KCNT2: variants seen among roughly 807,000 people sequenced by gnomAD.
KCNT2 encodes potassium channel subfamily T member 2.
A neutral mutation model predicts 153.8 loss-of-function variants in KCNT2; 67 were observed. The ratio of observed to expected loss-of-function variants is 0.44; its 90% CI spans 0.36 to 0.53. KCNT2 has a LOEUF of 0.53. Ranked by LOEUF, KCNT2 falls within the 20% of genes least tolerant of loss-of-function variation. The pLI is 0.00. For missense variants in KCNT2, 975 were observed against 1,354.8 expected, an observed-to-expected ratio of 0.72 and a Z score of 4.40; for synonymous variants, 500 against 458.8, an observed-to-expected ratio of 1.09 and a Z score of -1.15.
At chr1:196,604,703 C>A (rs1314402522) in intron 1 of KCNT2, among the ~76,000 whole-genome samples, 1 of 151,336 alleles carries the variant, frequency 6.6e-6, no homozygotes, top group Non-Finnish European at 1.5e-5. Context: ...CATATCTATT[C>A]ATTACATATA....
At chr1:196,379,565 T>TTTTCTCTCTC (rs374585639) in intron 13 of KCNT2, among the ~76,000 whole-genome samples, 1 of 136,148 alleles carries the variant, frequency 7.3e-6, no homozygotes, top group Admixed American at 7.4e-5. Flanking sequence ...CAGTGAGACT[T>TTTTCTCTCTC]TCTCTCTCTC....
At chr1:196,354,391 A>G (rs556726098) in intron 14 of KCNT2, among the ~76,000 whole-genome samples, 1 of 151,894 alleles carries the variant, frequency 6.6e-6, no homozygotes, top group Admixed American at 6.6e-5. Flanking sequence ...AGATTTTCAT[A>G]TTAGTTACTT....
intron 15 of KCNT2, among the ~76,000 whole-genome samples, chr1:196,340,903 T>TA (rs896192442): frequency 4.4e-4 from 67 of 151,456 alleles, no homozygotes; most frequent in African/African-American, 3.9e-4. Flanking sequence ...TTACTTTGGT[T>TA]AAAAAAAATA....
At position 196,329,950 on chromosome 1, in the gene KCNT2, CATATAT is replaced by C. The variant is rs71154737; in HGVS notation, c.2103+1200_2103+1205del. 9.4e-3 allele frequency among the ~76,000 whole-genome samples: 692 copies of C among 73,516 alleles called. 11 individuals are homozygous for C. Among genetic ancestry groups the C allele is most frequent in the African/African-American group, 0.03 (450 of 14,976 alleles). The allele number at this position is 73,516 out of a possible 152,430, so 48.2% of individuals were successfully genotyped here. A position where few individuals can be genotyped will look rare whatever the true frequency, so the allele number is the denominator to read the frequency against. ...AAATGGATAATTCTGTTCCTCAAGA[CATATAT>C]ATATATATATATATATATATATATA... On this transcript the variant is annotated intron_variant, in intron 18 of 27. Coordinates refer to ENST00000294725, the MANE Select transcript of KCNT2 (RefSeq NM_198503.5).
At chr1:196,283,761 G>A (rs999961963) in intron 23 of KCNT2, among the ~76,000 whole-genome samples, 2 of 152,024 alleles carry the variant, frequency 1.3e-5, no homozygotes, top group Non-Finnish European at 2.9e-5. Context: ...ATTAATGCCA[G>A]CAATTTTTTA....
intron 8 of KCNT2, among the ~76,000 whole-genome samples, chr1:196,441,396 C>T (rs1675211085): frequency 6.7e-6 from 1 of 148,234 alleles, no homozygotes; most frequent in Admixed American, 6.9e-5. Context: ...TTTTGAATAG[C>T]TATCTTAATT....
intron 14 of KCNT2, among the ~76,000 whole-genome samples, chr1:196,366,136 T>C (rs1668017988): frequency 6.6e-6 from 1 of 151,956 alleles, no homozygotes; most frequent in Non-Finnish European, 1.5e-5. Flanking sequence ...ATGCATGTCT[T>C]CTTTATTTAC....
intron 1 of KCNT2, among the ~76,000 whole-genome samples, chr1:196,569,478 TA>T (rs768080780): frequency 6.6e-6 from 1 of 152,206 alleles, no homozygotes; most frequent in Non-Finnish European, 1.5e-5. Flanking sequence ...GGGATTGAAA[TA>T]AAGCTGTGAA....
chr1:196,419,207 G>A (rs953460723), intron 12 of KCNT2, among the ~76,000 whole-genome samples: 1 of 147,116 alleles, frequency 6.8e-6, no homozygotes, highest in Non-Finnish European at 1.5e-5. Context: ...TTAAGTTTTA[G>A]GGTACATGTG....
intron 5 of KCNT2, among the ~76,000 whole-genome samples, chr1:196,476,643 C>A (rs1678557962): frequency 6.6e-6 from 1 of 152,158 alleles, no homozygotes; most frequent in African/African-American, 2.4e-5. Flanking sequence ...CTTCTGCACT[C>A]CCAAAAGACA....
intron 25 of KCNT2, among the ~76,000 whole-genome samples, chr1:196,274,608 T>G (rs989364404): frequency 6.6e-6 from 1 of 151,778 alleles, no homozygotes; most frequent in Non-Finnish European, 1.5e-5. Context: ...CCCATTGTAA[T>G]AGTAAAGTGT....
At chr1:196,339,520 C>CACACACAGAG (rs1005738965) in intron 16 of KCNT2, among the ~76,000 whole-genome samples, 1 of 137,908 alleles carries the variant, frequency 7.3e-6, no homozygotes, top group Non-Finnish European at 1.6e-5. Flanking sequence ...CACACACACA[C>CACACACAGAG]AGAGAGAGAG....
At chr1:196,268,209 C>A (rs953104454) in intron 25 of KCNT2, among the ~76,000 whole-genome samples, 1 of 152,122 alleles carries the variant, frequency 6.6e-6, no homozygotes, top group Non-Finnish European at 1.5e-5. Context: ...AATTCCTAAT[C>A]CAAGGTTGCC....
chr1:196,432,645 A>G (rs945412220), intron 8 of KCNT2, among the ~76,000 whole-genome samples: 1 of 152,132 alleles, frequency 6.6e-6, no homozygotes, highest in South Asian at 2.1e-4. Context: ...CCTTTGGAAT[A>G]AGAATATCTA....
At chr1:196,352,592 C>G (rs1666818992) in intron 14 of KCNT2, among the ~76,000 whole-genome samples, 1 of 152,016 alleles carries the variant, frequency 6.6e-6, no homozygotes, top group South Asian at 2.1e-4. Flanking sequence ...TGATTCTTCT[C>G]TCTTTTTTTC....
chr1:196,468,222 T>C (rs1489362186), intron 6 of KCNT2, among the ~76,000 whole-genome samples: 1 of 152,102 alleles, frequency 6.6e-6, no homozygotes, highest in Non-Finnish European at 1.5e-5. Flanking sequence ...CTATGTTCAA[T>C]TAGAATTATA....
chr1:196,545,134 T>C (rs1382894196), intron 1 of KCNT2, among the ~76,000 whole-genome samples: 1 of 152,070 alleles, frequency 6.6e-6, no homozygotes. Context: ...TCTTCATACA[T>C]GCTAAAAGTT....
At chr1:196,384,306 G>A (rs1191495095) in intron 13 of KCNT2, among the ~76,000 whole-genome samples, 14 of 152,048 alleles carry the variant, frequency 9.2e-5, no homozygotes, top group African/African-American at 3.1e-4. Context: ...ACATAGAAAT[G>A]TGCATTTATG....
chr1:196,267,722 T>C (rs775219319), intron 25 of KCNT2, among the ~76,000 whole-genome samples: 3 of 152,150 alleles, frequency 2.0e-5, no homozygotes, highest in Non-Finnish European at 4.4e-5. Context: ...TGAAATCAGA[T>C]GCCCTGCGCT....
Sources: gnomAD v4.1 joint callset for allele counts (sites outside exome capture counted in the v4.1 genomes callset) on GRCh38, gnomAD v4.1.1 for gene constraint, MANE v1.5 for transcripts, NCBI Gene and HGNC (gene_info 2026-07-23, HGNC 2026-07-21) for gene names.